TMEM39A: variants seen among roughly 807,000 people sequenced by gnomAD.
TMEM39A encodes suppressor of SQST-1 aggregates in rpl-43 mutants.
Under a neutral mutation model 51.9 loss-of-function variants are expected in TMEM39A, and 19 were observed. That is an observed-to-expected ratio of 0.37 (90% CI 0.26 to 0.54). The LOEUF is 0.54. Among genes scored for constraint, TMEM39A ranks in the 20% least tolerant of loss-of-function variants. The pLI is 0.88. For synonymous variants in TMEM39A, 197 were observed against 220.2 expected, an observed-to-expected ratio of 0.89 and a Z score of 0.93; for missense variants, 433 against 590.5, an observed-to-expected ratio of 0.73 and a Z score of 2.76.
chr3:119,436,896 T>C lies in TMEM39A; in HGVS notation c.1007A>G (p.Gln336Arg), dbSNP rs745807810. ...WINAFVMLTTQLLPSKYCDLL... is the reference protein window; with the variant it reads ...WINAFVMLTTRLLPSKYCDLL... ...ATCACAGTATTTGGATGGCAACAGT[T>C]GCGTGGTGAGCATGACAAAAGCATT... The change falls in exon 7 of 9, where the codon CAA becomes CGA. Residue 336 changes from glutamine (Q) to arginine (R), a missense_variant. By Grantham distance (43) the Gln-to-Arg change is conservative. Around this residue, in one of 3 missense-constraint regions of TMEM39A, gnomAD observed 223 missense variants for 328.1 expected, o/e 0.68. Transcript: ENST00000319172. 11 of 1,613,912 alleles carry C rather than the reference T, an allele frequency of 6.8e-6. No individual in the cohort carries two copies. The Admixed American group carries it at 8.3e-5, about 12-fold the overall frequency.
intron 3 of TMEM39A, 126 bp from the exon 4 acceptor site, chr3:119,452,656 G>T (rs1460595180): frequency 6.2e-6 from 4 of 646,338 alleles, no homozygotes; most frequent in African/African-American, 3.7e-5. Context: ...ACAGATTATG[G>T]GAATATGAGA....
At position 119,463,563 on chromosome 3, in the gene TMEM39A, G is replaced by C. The variant is rs1464335900; in HGVS notation, c.-302C>G. 2 of 398,724 alleles carry C rather than the reference G, an allele frequency of 5.0e-6. No homozygotes were observed. The highest frequency in any genetic ancestry group is 1.3e-4 in the South Asian group (1 of 7,870). The allele number at this position is 398,724 out of a possible 1,614,324, so 24.7% of individuals were successfully genotyped here. A position where few individuals can be genotyped will look rare whatever the true frequency, so the allele number is the denominator to read the frequency against. On this transcript the variant is annotated 5_prime_UTR_variant, in exon 1 of 9. Transcript: ENST00000319172. ...TTCCAGTGCCAGAGCTAAAGCTAGA[G>C]CCAGAGCCTGATACTTCAGCACCCA...
At chr3:119,439,842 A>T (rs1286683389) in intron 5 of TMEM39A, among the ~76,000 whole-genome samples, 2 of 151,936 alleles carry the variant, frequency 1.3e-5, no homozygotes, top group Non-Finnish European at 2.9e-5. Flanking sequence ...ATTACGGCTC[A>T]CTGAAGCCTC....
chr3:119,440,090 AT>A (rs2081030570), intron 5 of TMEM39A, among the ~76,000 whole-genome samples: 1 of 152,042 alleles, frequency 6.6e-6, no homozygotes, highest in Non-Finnish European at 1.5e-5. Context: ...TTAGACAAAA[AT>A]CTCTCACATG....
At chr3:119,451,346 T>C (rs768169482) in intron 4 of TMEM39A, 10 of 1,212,830 alleles carry the variant, frequency 8.2e-6, no homozygotes, top group East Asian at 5.7e-5. Flanking sequence ...GAAAAAGAAG[T>C]TGACTCTCAA....
intron 5 of TMEM39A, among the ~76,000 whole-genome samples, chr3:119,445,297 C>T (rs756492983): frequency 6.6e-6 from 1 of 152,110 alleles, no homozygotes; most frequent in Non-Finnish European, 1.5e-5. Flanking sequence ...TCTTGCTCGT[C>T]GCCCAGTCTG....
rs141930026 is a variant in TMEM39A, at chr3:119,434,672, G to A, written c.1233+90C>T. On this transcript the variant is annotated intron_variant, in intron 8 of 8. Coordinates refer to ENST00000319172, the MANE Select transcript of TMEM39A (RefSeq NM_018266.3). ...ACCATGTAATAATTTCCTAGTATGT[G>A]CTACATGCTATGCTACATGCTTCCA... 825 of 1,512,730 alleles carry A rather than the reference G, an allele frequency of 5.5e-4. 2 individuals are homozygous for A. In the African/African-American group the frequency reaches 9.9e-3, roughly 18 times the overall value. 93.7% of individuals were successfully genotyped at this position (1,512,730 alleles called of 1,614,324 possible).
chr3:119,431,967 TG>T lies in TMEM39A; in HGVS notation c.*13del, dbSNP rs762490419. On this transcript the variant is annotated 3_prime_UTR_variant, in exon 9 of 9. Transcript: ENST00000319172. ...TATTTTTATCTGAGTTCTCCCTCAT[TG>T]TTGAGAGGCAGCTTAGTTTGCCTTG... The T allele has an allele frequency of 1.2e-5, 19 of 1,521,348 alleles. No individual in the cohort carries two copies. The African/African-American group carries it at 2.2e-4, about 18-fold the overall frequency. The allele number at this position is 1,521,348 out of a possible 1,614,324, so 94.2% of individuals were successfully genotyped here. A position where few individuals can be genotyped will look rare whatever the true frequency, so the allele number is the denominator to read the frequency against.
chr3:119,452,513 A>G lies in TMEM39A; in HGVS notation c.354T>C (p.Asp118=), dbSNP rs772085757. The change falls in exon 4 of 9, where the codon GAT becomes GAC. Residue 118 remains aspartate (D), a synonymous_variant. Coordinates refer to ENST00000319172, the MANE Select transcript of TMEM39A (RefSeq NM_018266.3). The part of the protein sequence containing the change: ...SCTSLNFHLI[D]YHLAAFITVM... ...CTGTGATGAATGCTGCCAGATGATA[A>G]TCAATGAGATGAAAATTCTACAACA... The G allele has an allele frequency of 1.2e-6, 2 of 1,613,526 alleles. No homozygotes were observed. The highest frequency in any genetic ancestry group is 1.7e-6 in the Non-Finnish European group (2 of 1,179,618).
intron 4 of TMEM39A, among the ~76,000 whole-genome samples, chr3:119,451,893 T>C (rs1269990899): frequency 2.0e-5 from 3 of 149,392 alleles, no homozygotes; most frequent in African/African-American, 7.4e-5. Context: ...CTGTCAACAA[T>C]TTTTAATTTT....
intron 4 of TMEM39A, chr3:119,451,370 T>C: frequency 3.7e-6 from 4 of 1,069,904 alleles, no homozygotes; most frequent in Non-Finnish European, 5.1e-6. Flanking sequence ...TTTGTGATTA[T>C]AGTAACTATT....
intron 5 of TMEM39A, among the ~76,000 whole-genome samples, chr3:119,438,320 A>T (rs542937140): frequency 6.8e-4 from 103 of 152,372 alleles, no homozygotes; most frequent in Non-Finnish European, 1.3e-3. Flanking sequence ...TAGATTATTA[A>T]GAACCTACAG....
intron 4 of TMEM39A, among the ~76,000 whole-genome samples, chr3:119,450,021 A>G (rs2081178227): frequency 6.6e-6 from 1 of 152,228 alleles, no homozygotes; most frequent in Non-Finnish European, 1.5e-5. Context: ...AAGGAGGAAA[A>G]CATATTTTAA....
At chr3:119,457,377 C>T (rs1042773798) in intron 3 of TMEM39A, among the ~76,000 whole-genome samples, 15 of 152,182 alleles carry the variant, frequency 9.9e-5, no homozygotes, top group Non-Finnish European at 2.1e-4. Context: ...CCCAATTTCC[C>T]AATTTGATTT....
Position 119,451,283 on chromosome 3 carries a change from A to G in TMEM39A, c.420+1164T>C, listed in dbSNP as rs1321782200. On this transcript the variant is annotated intron_variant, in intron 4 of 8. Transcript: ENST00000319172. ...TTCCAGTTACTCTGCTTCCAGAAATAGGGTTCCTGAAAATCAGAGCTTACA... is the reference window on the plus strand; with the variant it reads ...TTCCAGTTACTCTGCTTCCAGAAATGGGGTTCCTGAAAATCAGAGCTTACA... 3 of 1,288,434 alleles carry G rather than the reference A, an allele frequency of 2.3e-6. No homozygotes were observed. In the Admixed American group the frequency reaches 6.9e-5, roughly 30 times the overall value. The allele number at this position is 1,288,434 out of a possible 1,614,324, so 79.8% of individuals were successfully genotyped here.
Position 119,431,399 on chromosome 3 carries a change from A to C in TMEM39A, c.*582T>G, listed in dbSNP as rs1489958190. On this transcript the variant is annotated 3_prime_UTR_variant, in exon 9 of 9. Coordinates refer to ENST00000319172, the MANE Select transcript of TMEM39A (RefSeq NM_018266.3). ...GCCTCAGGATAGTAGCTTATTCAAA[A>C]GTATATTTAAATGTCACAGGGTAAA... 6.6e-6 allele frequency: 1 copy of C among 152,194 alleles called. No individual in the cohort carries two copies. Among genetic ancestry groups the C allele is most frequent in the East Asian group, 1.9e-4 (1 of 5,206 alleles). The allele number at this position is 152,194 out of a possible 1,614,324, so 9.4% of individuals were successfully genotyped here.
chr3:119,445,389 C>T (rs144906791), intron 5 of TMEM39A, among the ~76,000 whole-genome samples: 119 of 152,234 alleles, frequency 7.8e-4, no homozygotes, highest in African/African-American at 2.8e-3. Flanking sequence ...CTCAGCCTCC[C>T]GAGTAACTGG....
chr3:119,451,563 G>A (rs2081198659), intron 4 of TMEM39A, among the ~76,000 whole-genome samples: 1 of 152,206 alleles, frequency 6.6e-6, no homozygotes, highest in African/African-American at 2.4e-5. Context: ...AGGCATGGTG[G>A]CTCACGCCTG....
At chr3:119,455,702 G>A (rs1432051221) in intron 3 of TMEM39A, among the ~76,000 whole-genome samples, 1 of 152,180 alleles carries the variant, frequency 6.6e-6, no homozygotes, top group Non-Finnish European at 1.5e-5. Context: ...CTGGCTCCCT[G>A]TTTCAAGGCA....
Sources: gnomAD v4.1 joint callset for allele counts (sites outside exome capture counted in the v4.1 genomes callset) on GRCh38, gnomAD v4.1.1 for gene constraint, gnomAD v4.1.1 regional missense constraint, MANE v1.5 for transcripts, NCBI Gene and HGNC (gene_info 2026-07-23, HGNC 2026-07-21) for gene names.